Variants in COL13A1 observed in about 807,000 individuals in gnomAD.
The protein encoded by COL13A1 is collagen alpha-1(XIII) chain.
COL13A1 carries 89 observed loss-of-function variants against 130.9 expected under a neutral mutation model. The ratio of observed to expected loss-of-function variants is 0.68; its 90% CI spans 0.57 to 0.81. The LOEUF (loss-of-function observed/expected upper bound fraction) is 0.81. Ranked by LOEUF, COL13A1 falls within the 30% of genes least tolerant of loss-of-function variation. The probability of loss-of-function intolerance (pLI) is 0.00; values close to 1 mark genes in which losing one functional copy is unlikely to be tolerated. For synonymous variants in COL13A1, 402 were observed against 341.6 expected (o/e 1.18, Z -1.95); for missense variants, 879 against 934.6 (o/e 0.94, Z 0.78).
intron 3 of COL13A1, among the ~76,000 whole-genome samples, 184 bp downstream of exon 3, chr10:69,867,989 C>T (rs2058691507): frequency 6.6e-6 from 1 of 152,110 alleles, no homozygotes; most frequent in African/African-American, 2.4e-5. Context: ...GCTTTTCACC[C>T]ACTTCTGCAC....
At chr10:69,884,546 A>G (rs2060439304) in intron 7 of COL13A1, among the ~76,000 whole-genome samples, 1 of 152,102 alleles carries the variant, frequency 6.6e-6, no homozygotes, top group Middle Eastern at 3.2e-3. Flanking sequence ...AAAGACAGGG[A>G]GGAGTAGACA....
intron 38 of COL13A1, 26 bp from the exon 39 acceptor site, chr10:69,952,856 T>C: frequency 6.7e-7 from 1 of 1,486,682 alleles, no homozygotes. Flanking sequence ...TGATGTTTTT[T>C]TCTCGGACTA....
At chr10:69,940,711 AG>A (rs2067500328) in intron 34 of COL13A1, among the ~76,000 whole-genome samples, 2 of 151,962 alleles carry the variant, frequency 1.3e-5, no homozygotes, top group Non-Finnish European at 2.9e-5. Context: ...AGAGAGGAGA[AG>A]GGGGGCGGGA....
intron 15 of COL13A1, 82 bp from the exon 16 acceptor site, chr10:69,904,851 G>C (rs1461415044): frequency 1.4e-6 from 2 of 1,453,426 alleles, no homozygotes; most frequent in Non-Finnish European, 1.9e-6. Flanking sequence ...CTGCCCCTAG[G>C]GTCTACTGTA....
intron 1 of COL13A1, among the ~76,000 whole-genome samples, chr10:69,808,234 A>G (rs1181594509): frequency 6.6e-6 from 1 of 152,156 alleles, no homozygotes; most frequent in Non-Finnish European, 1.5e-5. Context: ...ATCTGCCCTA[A>G]GCACAGCTTT....
At chr10:69,930,232 C>T (rs2065932069) in intron 29 of COL13A1, 145 bp downstream of exon 29, 1 of 1,067,002 alleles carries the variant, frequency 9.4e-7, no homozygotes, top group Non-Finnish European at 1.4e-6. Flanking sequence ...GGGAGAGGGG[C>T]CCACCCTGCA....
intron 10 of COL13A1, 148 bp from the exon 11 acceptor site, chr10:69,894,404 C>G (rs1390151218): frequency 2.3e-6 from 2 of 858,160 alleles, no homozygotes; most frequent in African/African-American, 3.4e-5. Context: ...GTGAATAAGA[C>G]ATCTTGAATG....
intron 17 of COL13A1, among the ~76,000 whole-genome samples, chr10:69,911,362 A>G (rs962641578): frequency 6.6e-6 from 1 of 152,244 alleles, no homozygotes; most frequent in African/African-American, 2.4e-5. Context: ...GGCACTTTGC[A>G]TGCATCAACT....
At chr10:69,918,995 A>G (rs995326629) in intron 19 of COL13A1, 67 bp from the exon 20 acceptor site, 47 of 1,604,230 alleles carry the variant, frequency 2.9e-5, no homozygotes, top group Non-Finnish European at 3.7e-5. Flanking sequence ...ACCTCCACCA[A>G]CAGGTGCCTT....
At chr10:69,812,604 G>A (rs1314425512) in intron 1 of COL13A1, among the ~76,000 whole-genome samples, 1 of 152,170 alleles carries the variant, frequency 6.6e-6, no homozygotes, top group Non-Finnish European at 1.5e-5. Context: ...GTCTTTCCAG[G>A]CTGTGTGCTG....
At chr10:69,878,014 CCT>C in intron 5 of COL13A1, 23 bp from the exon 6 acceptor site, 1 of 702,974 alleles carries the variant, frequency 1.4e-6, no homozygotes, top group Non-Finnish European at 2.6e-6. Context: ...CTTCCTGCAC[CCT>C]GTGTTGCATG....
At chr10:69,955,407 G>A (rs1589771502) in intron 39 of COL13A1, 1 of 152,788 alleles carries the variant, frequency 6.5e-6, no homozygotes. Flanking sequence ...TTGAGCACTG[G>A]CCAGGTCTTC....
rs4746939 is a variant in COL13A1, at chr10:69,956,883, C to T, written c.2146-121C>T. Reference sequence around the variant, plus strand: ...GTAGTAGAGAAAAGAAATAGACAAGCGTGGGTGGGCCACATCCTGATCAGC... The same window carrying T: ...GTAGTAGAGAAAAGAAATAGACAAGTGTGGGTGGGCCACATCCTGATCAGC... On this transcript the variant is annotated intron_variant, in intron 39 of 40. Transcript: ENST00000645393. 0.24 allele frequency: 174,936 copies of T among 721,480 alleles called. 22,747 individuals are homozygous for T. The highest frequency in any genetic ancestry group is 0.31 in the Admixed American group (15,349 of 48,820). The allele number at this position is 721,480 out of a possible 1,614,324, so 44.7% of individuals were successfully genotyped here. A position where few individuals can be genotyped will look rare whatever the true frequency, so the allele number is the denominator to read the frequency against.
At chr10:69,948,036 T>C (rs551659957) in intron 38 of COL13A1, among the ~76,000 whole-genome samples, 1 of 152,302 alleles carries the variant, frequency 6.6e-6, no homozygotes, top group South Asian at 2.1e-4. Context: ...GGCCTTTGGG[T>C]TCCCCTCTGG....
intron 38 of COL13A1, among the ~76,000 whole-genome samples, chr10:69,952,166 C>T (rs928711017): frequency 6.6e-6 from 1 of 152,212 alleles, no homozygotes; most frequent in Admixed American, 6.5e-5. Flanking sequence ...ACAGATAGAA[C>T]AGGAGAAGCC....
At chr10:69,887,416 C>A in intron 7 of COL13A1, 40 bp from the exon 8 acceptor site, 1 of 1,606,456 alleles carries the variant, frequency 6.2e-7, no homozygotes, top group Non-Finnish European at 8.5e-7. Context: ...CTGTCTCCTC[C>A]TTGCTCAATC....
At chr10:69,826,254 G>T (rs1416672249) in intron 2 of COL13A1, among the ~76,000 whole-genome samples, 1 of 152,200 alleles carries the variant, frequency 6.6e-6, no homozygotes, top group African/African-American at 2.4e-5. Flanking sequence ...CCAGGGTGGG[G>T]CAGGCAGTGT....
At chr10:69,935,619 G>A (rs981647324) in intron 32 of COL13A1, among the ~76,000 whole-genome samples, 4 of 152,208 alleles carry the variant, frequency 2.6e-5, no homozygotes, top group Admixed American at 1.3e-4. Flanking sequence ...CTGACTGGTA[G>A]GGCAGCCCCA....
chr10:69,860,631 C>A, intron 2 of COL13A1: 1 of 175,696 alleles, frequency 5.7e-6, no homozygotes, highest in South Asian at 8.0e-5. Context: ...GTCGGGTTGT[C>A]GTTCCTCTTG....
Sources: allele counts gnomAD v4.1 joint callset (sites outside exome capture counted in the v4.1 genomes callset), GRCh38; gene constraint gnomAD v4.1.1; transcripts MANE v1.5; gene names NCBI Gene and HGNC (gene_info 2026-07-23, HGNC 2026-07-21).